Variants in SGMS2 observed in about 807,000 individuals in gnomAD.
SGMS2 encodes phosphatidylcholine:ceramide cholinephosphotransferase 2.
Under a neutral mutation model 43.8 loss-of-function variants are expected in SGMS2, and 21 were observed. That is an observed-to-expected ratio of 0.48 (90% confidence interval 0.34 to 0.69). The LOEUF (loss-of-function observed/expected upper bound fraction) is 0.69, where lower values mean the gene tolerates loss of function less well. Ranked by LOEUF, SGMS2 falls within the 30% of genes least tolerant of loss-of-function variation. SGMS2 has a pLI of 0.01. For missense variants in SGMS2, 384 were observed against 443.2 expected (o/e 0.87, Z 1.20); for synonymous variants, 167 against 160.6 (o/e 1.04, Z -0.30).
intron 1 of SGMS2, among the ~76,000 whole-genome samples, chr4:107,835,291 T>C (rs1304679313): frequency 1.3e-5 from 2 of 152,108 alleles, no homozygotes; most frequent in Non-Finnish European, 2.9e-5. Context: ...TGTGTAGAAG[T>C]ATAAAAAAAA....
At chr4:107,852,839 A>G (rs1578532130) in intron 1 of SGMS2, among the ~76,000 whole-genome samples, 1 of 152,214 alleles carries the variant, frequency 6.6e-6, no homozygotes, top group Non-Finnish European at 1.5e-5. Flanking sequence ...GAATATATGA[A>G]ATATATTTTA....
At chr4:107,899,839 G>A (rs1006528243) in intron 4 of SGMS2, 147 bp downstream of exon 4, 4 of 491,932 alleles carry the variant, frequency 8.1e-6, no homozygotes, top group Admixed American at 3.4e-5. Context: ...TTGAGGGGAA[G>A]AAATTAAAAT....
chr4:107,884,503 G>A (rs541481573), intron 2 of SGMS2, among the ~76,000 whole-genome samples: 3 of 152,064 alleles, frequency 2.0e-5, no homozygotes, highest in Admixed American at 6.6e-5. Context: ...TAAACAAAGG[G>A]GGGGGAAATG....
chr4:107,888,746 T>A (rs1180681289), intron 2 of SGMS2, among the ~76,000 whole-genome samples: 3 of 152,132 alleles, frequency 2.0e-5, no homozygotes, highest in African/African-American at 4.8e-5. Context: ...ACTTTTTTTT[T>A]AAGAAAGAAT....
At chr4:107,843,986 A>G (rs1433011701) in intron 1 of SGMS2, among the ~76,000 whole-genome samples, 1 of 152,146 alleles carries the variant, frequency 6.6e-6, no homozygotes, top group Non-Finnish European at 1.5e-5. Flanking sequence ...CTTCATGTTA[A>G]CTGTATATTC....
chr4:107,884,434 G>C (rs1038161745), intron 2 of SGMS2, among the ~76,000 whole-genome samples: 1 of 152,108 alleles, frequency 6.6e-6, no homozygotes, highest in South Asian at 2.1e-4. Flanking sequence ...AGCCATGAGA[G>C]ATAAGATGAA....
At chr4:107,855,827 C>T (rs1047656073) in intron 1 of SGMS2, among the ~76,000 whole-genome samples, 9 of 152,074 alleles carry the variant, frequency 5.9e-5, no homozygotes, top group Admixed American at 1.3e-4. Context: ...CTGTCTCTCC[C>T]TTTAGATCTA....
At chr4:107,897,504 A>G (rs760045672) in intron 3 of SGMS2, among the ~76,000 whole-genome samples, 1 of 152,212 alleles carries the variant, frequency 6.6e-6, no homozygotes, top group South Asian at 2.1e-4. Context: ...TTATTGATAT[A>G]TGTGTGAAAA....
chr4:107,852,520 A>G (rs1473037617), intron 1 of SGMS2, among the ~76,000 whole-genome samples: 2 of 152,216 alleles, frequency 1.3e-5, no homozygotes, highest in Non-Finnish European at 2.9e-5. Flanking sequence ...AATCTATTAT[A>G]TGTTAGCATT....
intron 2 of SGMS2, among the ~76,000 whole-genome samples, chr4:107,894,845 T>C (rs968003096): frequency 7.0e-5 from 2 of 28,584 alleles, no homozygotes; most frequent in Non-Finnish European, 2.1e-4. Context: ...ATTGACTATT[T>C]TGACAAATGA....
chr4:107,829,840 G>GC (rs112379323), intron 1 of SGMS2, among the ~76,000 whole-genome samples: 26,307 of 151,976 alleles, frequency 0.17, 2,823 homozygotes, highest in African/African-American at 0.31. Context: ...CTTCCAACGT[G>GC]GTGAATAACA....
chr4:107,824,884 G>A (rs754141914), upstream of SGMS2: 3 of 152,334 alleles, frequency 2.0e-5, no homozygotes, highest in Non-Finnish European at 4.4e-5. Context: ...CGCAGGGAGC[G>A]GGCCGCGCGC....
At chr4:107,867,761 T>TA (rs1433331870) in intron 2 of SGMS2, 30 of 152,266 alleles carry the variant, frequency 2.0e-4, no homozygotes, top group African/African-American at 6.7e-4. Flanking sequence ...ATATGAGTGT[T>TA]AGCTATAGCT....
intron 3 of SGMS2, 107 bp downstream of exon 3, chr4:107,896,115 A>G (rs192789962): frequency 8.7e-5 from 88 of 1,006,150 alleles, no homozygotes; most frequent in Admixed American, 4.0e-4. Flanking sequence ...ATTCAGTCTT[A>G]CCCAAACATT....
intron 2 of SGMS2, among the ~76,000 whole-genome samples, chr4:107,858,796 C>T (rs912546716): frequency 2.6e-5 from 4 of 152,274 alleles, no homozygotes; most frequent in Middle Eastern, 6.8e-3. Flanking sequence ...TTTTCTCGGT[C>T]TTGGATTGCC....
chr4:107,856,356 C>T (rs1437385825), intron 1 of SGMS2, among the ~76,000 whole-genome samples: 2 of 152,134 alleles, frequency 1.3e-5, no homozygotes, highest in African/African-American at 4.8e-5. Context: ...TTTGCATTTC[C>T]AGTATCTACC....
rs1032399220 is a variant in SGMS2 at position 107,910,613 on chromosome 4, T to C, written c.*60T>C. On this transcript the variant is annotated 3_prime_UTR_variant, in exon 7 of 7. Coordinates refer to ENST00000690982, the MANE Select transcript of SGMS2 (RefSeq NM_001375905.1). Reference sequence around the variant, plus strand: ...AGAGTTAACGCTGTAACCAAAGGTATAGTTTTGTTTTTTATTTTAGGAGAA... The same window carrying C: ...AGAGTTAACGCTGTAACCAAAGGTACAGTTTTGTTTTTTATTTTAGGAGAA... 70 of 1,509,048 alleles carry C rather than the reference T, an allele frequency of 4.6e-5. No individual in the cohort carries two copies. The highest frequency in any genetic ancestry group is 6.1e-5 in the Non-Finnish European group (68 of 1,116,792). The allele number at this position is 1,509,048 out of a possible 1,614,324, so 93.5% of individuals were successfully genotyped here.
chr4:107,848,547 A>T (rs1268882450), intron 1 of SGMS2, among the ~76,000 whole-genome samples: 1 of 152,140 alleles, frequency 6.6e-6, no homozygotes, highest in Non-Finnish European at 1.5e-5. Flanking sequence ...AATGAATGAG[A>T]GTTCCTGTTG....
At chr4:107,863,456 G>C (rs1268313511) in intron 2 of SGMS2, 2 of 152,264 alleles carry the variant, frequency 1.3e-5, no homozygotes, top group East Asian at 3.9e-4. Context: ...AAGGAATGAA[G>C]AAGAAGAGAA....
Sources: gnomAD v4.1 joint callset for allele counts (sites outside exome capture counted in the v4.1 genomes callset) on GRCh38, gnomAD v4.1.1 for gene constraint, MANE v1.5 for transcripts, NCBI Gene and HGNC (gene_info 2026-07-23, HGNC 2026-07-21) for gene names.